PIEZO1: variants seen among roughly 807,000 people sequenced by gnomAD.
The protein encoded by PIEZO1 is piezo type mechanosensitive ion channel component 1 (Er blood group).
Under a neutral mutation model 297.2 loss-of-function variants are expected in PIEZO1, and 296 were observed. The ratio of observed to expected loss-of-function variants is 1.00; its 90% CI spans 0.91 to 1.10. PIEZO1 has a LOEUF of 1.10. Ranked by LOEUF, PIEZO1 falls within the 50% of genes least tolerant of loss-of-function variation. PIEZO1 has a pLI of 0.00. For missense variants in PIEZO1, 5,018 were observed against 3,455.5 expected (o/e 1.45, Z -11.34); for synonymous variants, 2,427 against 1,507.5 (o/e 1.61, Z -14.13).
At chr16:88,766,037 G>A (rs1302931151) in intron 1 of PIEZO1, among the ~76,000 whole-genome samples, 3 of 152,198 alleles carry the variant, frequency 2.0e-5, no homozygotes, top group Non-Finnish European at 4.4e-5. Context: ...TCACATGCGA[G>A]TCAGCGCACG....
In PIEZO1 at chr16:88,719,737, G is replaced by T. The variant is rs1228538193; in HGVS notation, c.6324-16C>A. On this transcript the variant is annotated splice_polypyrimidine_tract_variant and intron_variant, in intron 43 of 50. Transcript: ENST00000301015. ...CAGCCGGAACCTGCCCACAGCCAGG[G>T]TTCCCGTCAGGTGGGCTCCCTCATG... 1 of 1,550,432 alleles carries T rather than the reference G, an allele frequency of 6.4e-7. No individual in the cohort carries two copies. Among genetic ancestry groups the T allele is most frequent in the Non-Finnish European group, 8.7e-7 (1 of 1,146,892 alleles).
intron 44 of PIEZO1, 152 bp downstream of exon 44, chr16:88,719,422 C>T (rs1438013669): frequency 4.5e-6 from 3 of 664,020 alleles, no homozygotes; most frequent in African/African-American, 1.8e-5. Context: ...GCCTCGTGAT[C>T]AGCTAGTGGG....
At chr16:88,768,125 C>T (rs1034947799) in intron 1 of PIEZO1, among the ~76,000 whole-genome samples, 2 of 152,346 alleles carry the variant, frequency 1.3e-5, no homozygotes, top group East Asian at 3.9e-4. Flanking sequence ...GGGCCCAGGG[C>T]CCAGGGCCCA....
rs1330707688 is a variant in PIEZO1 at position 88,716,968 on chromosome 16, C to T, written c.6660+55G>A. 3 of 1,547,112 alleles carry T rather than the reference C, an allele frequency of 1.9e-6. No homozygotes were observed. The Admixed American group carries it at 5.9e-5, about 30-fold the overall frequency. Reference sequence around the variant, plus strand: ...GGAGCGGCTGGGGGTGGTGCACCACCTTGGCCAGAACCCCCAGGGGATGGG... The same window carrying T: ...GGAGCGGCTGGGGGTGGTGCACCACTTTGGCCAGAACCCCCAGGGGATGGG... On this transcript the variant is annotated intron_variant, in intron 45 of 50. Coordinates refer to ENST00000301015, the MANE Select transcript of PIEZO1 (RefSeq NM_001142864.4).
intron 1 of PIEZO1, among the ~76,000 whole-genome samples, chr16:88,770,560 G>A (rs1907378016): frequency 6.6e-6 from 1 of 152,228 alleles, no homozygotes; most frequent in Non-Finnish European, 1.5e-5. Context: ...GTTAGTGCGG[G>A]GGCCCCGCCA....
At position 88,736,214 on chromosome 16, in the gene PIEZO1, G is replaced by T. The variant is rs1343866391; in HGVS notation, c.1491C>A (p.Gly497=). ...GCCCCAGCTGGCGCAGGCTGACGGG[G>T]CCCAGGGTGGTGGGCAGCTCAGGGC... ...DLRPELPTTL[G]PVSLRQLGLE... The change falls in exon 12 of 51, where the codon GGC becomes GGA. Residue 497 remains glycine, a synonymous_variant. Transcript: ENST00000301015. 5.8e-6 allele frequency: 9 copies of T among 1,549,772 alleles called. No homozygotes were observed. In the Middle Eastern group the frequency reaches 6.8e-4, roughly 116 times the overall value.
chr16:88,719,619 G>C lies in PIEZO1; in HGVS notation c.6426C>G (p.Ile2142Met), dbSNP rs548821589. The C allele has an allele frequency of 3.2e-6, 5 of 1,552,506 alleles. No individual in the cohort carries two copies. The highest frequency in any genetic ancestry group is 4.4e-6 in the Non-Finnish European group (5 of 1,147,970). ...ATTTGATGATGAAGATGTTGGCATA[G>C]ATGTCCTCCACACACATCCAGCTGG... ...SLSSWMCVED[I>M]YANIFIIKCS... The change falls in exon 44 of 51, where the codon ATC becomes ATG. Residue 2142 changes from isoleucine to methionine, a missense_variant. By Grantham distance (10) the Ile-to-Met change is conservative. Transcript: ENST00000301015.
In PIEZO1 at chr16:88,734,577, C is replaced by G. The variant is rs1417786100; in HGVS notation, c.1998-39G>C. On this transcript the variant is annotated intron_variant, in intron 15 of 50. Transcript: ENST00000301015. ...GCATCAGCACCGGCCCGGCCCCCGGCAGAGCCGCTGCAGCCCCGGGGAAGT... is the reference window on the plus strand; with the variant it reads ...GCATCAGCACCGGCCCGGCCCCCGGGAGAGCCGCTGCAGCCCCGGGGAAGT... The G allele has an allele frequency of 2.6e-6, 4 of 1,545,568 alleles. No homozygotes were observed. The Admixed American group carries it at 7.9e-5, about 30-fold the overall frequency.
intron 40 of PIEZO1, 38 bp from the exon 41 acceptor site, chr16:88,720,570 C>A (rs771077724): frequency 6.5e-7 from 1 of 1,534,158 alleles, no homozygotes; most frequent in South Asian, 1.2e-5. Context: ...CCAGTACCCG[C>A]CTCCCCACCC....
chr16:88,741,669 T>A (rs889047347), intron 4 of PIEZO1, 53 bp from the exon 5 acceptor site: 223 of 1,460,422 alleles, frequency 1.5e-4, no homozygotes, highest in Middle Eastern at 1.3e-3. Flanking sequence ...GGTGTGGGTG[T>A]GAGTGTGGAT....
chr16:88,734,582 C>G, intron 15 of PIEZO1, 44 bp from the exon 16 acceptor site: 2 of 1,545,732 alleles, frequency 1.3e-6, no homozygotes, highest in Non-Finnish European at 1.7e-6. Flanking sequence ...CCCGGCAGAG[C>G]CGCTGCAGCC....
intron 1 of PIEZO1, among the ~76,000 whole-genome samples, chr16:88,763,730 C>T (rs1053993317): frequency 2.0e-5 from 3 of 152,182 alleles, no homozygotes; most frequent in African/African-American, 7.2e-5. Context: ...ACAATGATTA[C>T]ATTGATTAGC....
chr16:88,781,865 C>T (rs2142915207), intron 1 of PIEZO1, among the ~76,000 whole-genome samples: 1 of 152,370 alleles, frequency 6.6e-6, no homozygotes, highest in East Asian at 1.9e-4. Context: ...TAAATGGTGA[C>T]ACTTCTCAGT....
intron 5 of PIEZO1, chr16:88,740,113 T>C (rs987928109): frequency 6.6e-6 from 1 of 152,118 alleles, no homozygotes; most frequent in Non-Finnish European, 1.5e-5. Context: ...CACCCTCCTC[T>C]AGCGGCCAGC....
At chr16:88,721,497 G>T in intron 38 of PIEZO1, 41 bp downstream of exon 38, 1 of 1,539,482 alleles carries the variant, frequency 6.5e-7, no homozygotes, top group Non-Finnish European at 8.8e-7. Flanking sequence ...TGCCCAGAGG[G>T]CCTGCCCAGC....
At position 88,723,206 on chromosome 16, in the gene PIEZO1, C is replaced by T. The variant is rs773299151; in HGVS notation, c.4438+20G>A. 1 of 1,548,442 alleles carries T rather than the reference C, an allele frequency of 6.5e-7. No homozygotes were observed. The highest frequency in any genetic ancestry group is 1.4e-5 in the African/African-American group (1 of 73,032). ...CAGTCCCGCGGCTTCCCCTCAGAGT[C>T]CCCACGCCCCCCAGCTCACCTGTGG... is the stretch of plus-strand genomic sequence containing the variant. On this transcript the variant is annotated intron_variant, in intron 32 of 50. Coordinates refer to ENST00000301015, the MANE Select transcript of PIEZO1 (RefSeq NM_001142864.4).
chr16:88,726,041 G>T (rs1445543044), intron 27 of PIEZO1: 3 of 573,120 alleles, frequency 5.2e-6, no homozygotes, highest in African/African-American at 1.9e-5. Context: ...AGTTGGCTGG[G>T]GGTGAGACAC....
intron 1 of PIEZO1, among the ~76,000 whole-genome samples, chr16:88,772,834 G>A (rs1907487234): frequency 6.7e-6 from 1 of 149,904 alleles, no homozygotes; most frequent in South Asian, 2.1e-4. Context: ...GGGGATGCCC[G>A]CCGCAGCCCT....
chr16:88,741,513 T>C lies in PIEZO1; in HGVS notation c.430A>G (p.Arg144Gly), dbSNP rs1259148165. Residue 144 changes from arginine (R) to glycine (G), a missense_variant, in exon 5 of 51, where the codon AGG becomes GGG. Coordinates refer to ENST00000301015, the MANE Select transcript of PIEZO1 (RefSeq NM_001142864.4). ...VCLGICGRLARNTRQSPHPRE... is the reference protein window; with the variant it reads ...VCLGICGRLAGNTRQSPHPRE... ...GGATGTGGGCTCTGCCGGGTGTTCC[T>C]TGCAAGGCGCCCGCAGATGCCGAGG... The C allele has an allele frequency of 1.3e-6, 2 of 1,535,684 alleles. No individual in the cohort carries two copies. Among genetic ancestry groups the C allele is most frequent in the Admixed American group, 2.0e-5 (1 of 50,982 alleles).
Sources: allele counts gnomAD v4.1 joint callset (sites outside exome capture counted in the v4.1 genomes callset), GRCh38; gene constraint gnomAD v4.1.1; transcripts MANE v1.5; gene names NCBI Gene and HGNC (gene_info 2026-07-23, HGNC 2026-07-21).